The following ATP9B variants were observed in gnomAD, a reference collection of about 807,000 sequenced individuals.
ATP9B encodes probable phospholipid-transporting ATPase IIB.
A neutral mutation model predicts 146.1 loss-of-function variants in ATP9B; 110 were observed. That is an observed-to-expected ratio of 0.75 (90% CI 0.65 to 0.88). The LOEUF (loss-of-function observed/expected upper bound fraction) is 0.88, where lower values mean the gene tolerates loss of function less well. Among genes scored for constraint, ATP9B ranks in the 40% least tolerant of loss-of-function variants. The pLI is 0.00. For synonymous variants in ATP9B, 604 were observed against 569.7 expected, an observed-to-expected ratio of 1.06 and a Z score of -0.86; for missense variants, 1,499 against 1,496.4, an observed-to-expected ratio of 1.00 and a Z score of -0.03.
chr18:79,196,211 G>A (rs1189787563), intron 9 of ATP9B, among the ~76,000 whole-genome samples: 1 of 152,162 alleles, frequency 6.6e-6, no homozygotes, highest in East Asian at 1.9e-4. Context: ...AAACTGTCCT[G>A]CAAGTGCCAA....
intron 12 of ATP9B, among the ~76,000 whole-genome samples, chr18:79,265,622 A>T (rs901632753): frequency 6.7e-6 from 1 of 150,074 alleles, no homozygotes; most frequent in Non-Finnish European, 1.5e-5. Context: ...TTGCAAAAAA[A>T]TTTTCTCCCA....
chr18:79,200,450 C>CT (rs2095458380), intron 9 of ATP9B, among the ~76,000 whole-genome samples: 1 of 152,128 alleles, frequency 6.6e-6, no homozygotes, highest in African/African-American at 2.4e-5. Flanking sequence ...TGTTGAAGAA[C>CT]ACTATTCATG....
intron 15 of ATP9B, among the ~76,000 whole-genome samples, chr18:79,311,745 T>C (rs751674922): frequency 7.1e-4 from 108 of 152,320 alleles, no homozygotes; most frequent in Non-Finnish European, 9.7e-4. Context: ...CCCCTCAGAC[T>C]CTGCGGATCA....
intron 8 of ATP9B, among the ~76,000 whole-genome samples, chr18:79,192,095 T>A (rs2095372142): frequency 6.6e-6 from 1 of 152,112 alleles, no homozygotes; most frequent in East Asian, 1.9e-4. Context: ...AGGTTAGGTG[T>A]CAGAATGAGA....
At chr18:79,192,405 G>A (rs903803811) in intron 8 of ATP9B, among the ~76,000 whole-genome samples, 1 of 152,176 alleles carries the variant, frequency 6.6e-6, no homozygotes, top group Non-Finnish European at 1.5e-5. Context: ...CCAGGACTCA[G>A]CATATGATCC....
intron 10 of ATP9B, among the ~76,000 whole-genome samples, chr18:79,212,341 G>A (rs183494571): frequency 6.6e-6 from 1 of 152,248 alleles, no homozygotes; most frequent in East Asian, 1.9e-4. Context: ...TGTTAAAAAT[G>A]TATAACATAT....
At chr18:79,086,777 T>G (rs2073878544) in intron 1 of ATP9B, among the ~76,000 whole-genome samples, 1 of 152,186 alleles carries the variant, frequency 6.6e-6, no homozygotes, top group Non-Finnish European at 1.5e-5. Flanking sequence ...AATCATTAGC[T>G]CCAAGGTTAT....
At chr18:79,074,321 C>G (rs780901910) in intron 1 of ATP9B, among the ~76,000 whole-genome samples, 2 of 152,134 alleles carry the variant, frequency 1.3e-5, no homozygotes, top group Non-Finnish European at 2.9e-5. Flanking sequence ...CCATATGGAC[C>G]CAGTGGCTGC....
chr18:79,081,662 A>C (rs974332613), intron 1 of ATP9B, among the ~76,000 whole-genome samples: 1 of 149,542 alleles, frequency 6.7e-6, no homozygotes, highest in Non-Finnish European at 1.5e-5. Context: ...TCGTGTCTCT[A>C]TCTCCTTCAG....
chr18:79,114,066 G>T (rs2094020213), intron 4 of ATP9B, among the ~76,000 whole-genome samples: 1 of 152,158 alleles, frequency 6.6e-6, no homozygotes, highest in African/African-American at 2.4e-5. Context: ...CGCCTCCCGG[G>T]TGCAAGCAGT....
chr18:79,150,086 TAAAA>T (rs1228961545), intron 6 of ATP9B, among the ~76,000 whole-genome samples: 7 of 125,894 alleles, frequency 5.6e-5, no homozygotes, highest in Non-Finnish European at 9.8e-5. Flanking sequence ...TCTCAAAAAA[TAAAA>T]AAATAAAAAT....
intron 12 of ATP9B, among the ~76,000 whole-genome samples, chr18:79,269,524 T>G (rs2096235910): frequency 6.6e-6 from 1 of 152,252 alleles, no homozygotes; most frequent in Admixed American, 6.5e-5. Flanking sequence ...CCGTTTGTTT[T>G]ATAATCTGTA....
chr18:79,327,485 GCTCTCCGTGGTTAGTGTGCT>G (rs1568696191), intron 15 of ATP9B, among the ~76,000 whole-genome samples: 6 of 150,788 alleles, frequency 4.0e-5, no homozygotes, highest in South Asian at 4.3e-4. Context: ...TGGTTAGCGT[GCTCTCCGTGGTTAGTGTGCT>G]CTCTCCATGG....
chr18:79,373,860 T>A, intron 27 of ATP9B, 38 bp from the exon 28 acceptor site: 1 of 1,607,908 alleles, frequency 6.2e-7, no homozygotes, highest in Non-Finnish European at 8.5e-7. Flanking sequence ...GCTTACACCC[T>A]GCTCGTGTGC....
Position 79,096,541 on chromosome 18 carries a change from T to C in ATP9B, c.185T>C (p.Phe62Ser), listed in dbSNP as rs1469844996. The change falls in exon 2 of 30, where the codon TTT becomes TCT. Residue 62 changes from phenylalanine (F) to serine (S), a missense_variant. By Grantham distance (155) the Phe-to-Ser change is radical. Transcript: ENST00000426216. ...CCACTAATGATGTCTGAAGAAGGCT[T>C]TGAGAATGAGGAAAGTGATTACCAC... ...EMPLMMSEEGFENEESDYHTL... is the reference protein window; with the variant it reads ...EMPLMMSEEGSENEESDYHTL... 3 of 1,613,902 alleles carry C rather than the reference T, an allele frequency of 1.9e-6. No homozygotes were observed. The highest frequency in any genetic ancestry group is 2.5e-6 in the Non-Finnish European group (3 of 1,179,916).
chr18:79,253,497 T>A lies in ATP9B; in HGVS notation c.1224T>A (p.Asn408Lys). ...LQGFVGPWYR[N>K]LFRFLLLFSY... is the part of the protein sequence containing the mutation. ...GATTTGTGGGTCCATGGTACCGCAA[T>A]CTTTTTCGGTTCCTTCTCCTCTTTT... The change falls in exon 12 of 30, where the codon AAT becomes AAA. Residue 408 changes from asparagine (N) to lysine (K), a missense_variant. Coordinates refer to ENST00000426216, the MANE Select transcript of ATP9B (RefSeq NM_198531.5). 6.2e-7 allele frequency: 1 copy of A among 1,608,666 alleles called. No homozygotes were observed. Among genetic ancestry groups the A allele is most frequent in the Middle Eastern group, 1.7e-4 (1 of 6,056 alleles).
At chr18:79,270,980 C>T (rs1735500262) in intron 12 of ATP9B, among the ~76,000 whole-genome samples, 1 of 152,160 alleles carries the variant, frequency 6.6e-6, no homozygotes, top group Non-Finnish European at 1.5e-5. Context: ...AAGCAGAAGG[C>T]CGGGAGTTGG....
chr18:79,251,156 C>A (rs1226950333), intron 11 of ATP9B, among the ~76,000 whole-genome samples: 1 of 152,230 alleles, frequency 6.6e-6, no homozygotes, highest in Non-Finnish European at 1.5e-5. Flanking sequence ...AGGAGTCTTA[C>A]ACAGTGAAGT....
At chr18:79,375,237 G>A (rs2097096198) in intron 28 of ATP9B, among the ~76,000 whole-genome samples, 157 bp from the exon 29 acceptor site, 1 of 152,226 alleles carries the variant, frequency 6.6e-6, no homozygotes, top group Admixed American at 6.5e-5. Context: ...ATGGTATCAG[G>A]CAGGGAAATG....
Sources: gnomAD v4.1 joint callset for allele counts (sites outside exome capture counted in the v4.1 genomes callset) on GRCh38, gnomAD v4.1.1 for gene constraint, MANE v1.5 for transcripts, NCBI Gene and HGNC (gene_info 2026-07-23, HGNC 2026-07-21) for gene names.